Variants in TENM3 observed in about 807,000 individuals in gnomAD.
The protein encoded by TENM3 is teneurin transmembrane protein 3.
TENM3 carries 63 observed loss-of-function variants against 255.1 expected under a neutral mutation model. The observed-to-expected ratio is 0.25, with a 90% CI of 0.20 to 0.30. The LOEUF (loss-of-function observed/expected upper bound fraction) is 0.30, where lower values mean the gene tolerates loss of function less well. Ranked by LOEUF, TENM3 falls within the 10% of genes least tolerant of loss-of-function variation. The pLI is 1.00. For missense variants in TENM3, 2,929 were observed against 3,461.1 expected (o/e 0.85, Z 3.86); for synonymous variants, 1,306 against 1,322.3 (o/e 0.99, Z 0.27).
At chr4:182,068,815 A>C in the TENM3 span, among the ~76,000 whole-genome samples, 3 of 152,142 alleles carry the variant, frequency 2.0e-5, no homozygotes, top group African/African-American at 4.8e-5. Flanking sequence ...GAATTTTGGT[A>C]GTGAAAAATG....
chr4:181,502,364 A>G, the TENM3 span, among the ~76,000 whole-genome samples: 1 of 152,038 alleles, frequency 6.6e-6, no homozygotes, highest in East Asian at 1.9e-4. Context: ...GGTGGTGGAG[A>G]GGGGTGCATG....
At chr4:182,060,198 C>T in the TENM3 span, among the ~76,000 whole-genome samples, 1 of 152,146 alleles carries the variant, frequency 6.6e-6, no homozygotes, top group East Asian at 1.9e-4. Context: ...GACTGCACCA[C>T]TGCCCTCCAG....
the TENM3 span, among the ~76,000 whole-genome samples, chr4:181,502,980 C>T: frequency 2.6e-5 from 4 of 152,144 alleles, no homozygotes; most frequent in African/African-American, 4.8e-5. Context: ...CACTCGCTGG[C>T]CGTGACCATT....
the TENM3 span, among the ~76,000 whole-genome samples, chr4:181,623,061 G>T: frequency 6.6e-6 from 1 of 152,040 alleles, no homozygotes; most frequent in African/African-American, 2.4e-5. Flanking sequence ...AAATCTATGG[G>T]ACATAAATTG....
the TENM3 span, among the ~76,000 whole-genome samples, chr4:181,499,148 T>C: frequency 6.6e-6 from 1 of 152,190 alleles, no homozygotes; most frequent in Admixed American, 6.5e-5. Context: ...GATGACCACT[T>C]CTAACTCCAT....
At chr4:182,723,821 C>G (rs2309702) in intron 13 of TENM3, among the ~76,000 whole-genome samples, 133,956 of 151,880 alleles carry the variant, frequency 0.88, 59,282 homozygotes, top group African/African-American at 0.93. Context: ...CACATTCATG[C>G]CCATTCATTG....
the TENM3 span, chr4:181,834,772 G>C: frequency 6.6e-6 from 1 of 152,242 alleles, no homozygotes; most frequent in Non-Finnish European, 1.5e-5. Flanking sequence ...ACCTGTTGGG[G>C]ACAGATTTGG....
At chr4:182,611,143 A>G (rs1264351820) in intron 4 of TENM3, among the ~76,000 whole-genome samples, 4 of 152,162 alleles carry the variant, frequency 2.6e-5, no homozygotes, top group Non-Finnish European at 5.9e-5. Flanking sequence ...GTCTCCAAAT[A>G]TAAGTTCATT....
chr4:182,161,839 GTATATATACACAAA>G (rs1561153845), intron 1 of TENM3, among the ~76,000 whole-genome samples: 2,951 of 17,206 alleles, frequency 0.17, 585 homozygotes, highest in East Asian at 0.57. Flanking sequence ...ATATATATGT[GTATATATACACAAA>G]TATATATGTG....
At chr4:182,133,933 A>G in the TENM3 span, among the ~76,000 whole-genome samples, 1 of 152,208 alleles carries the variant, frequency 6.6e-6, no homozygotes, top group Non-Finnish European at 1.5e-5. Context: ...CTTGTTTAAC[A>G]TGCTAATTTA....
chr4:182,325,624 T>C (rs1382459554), intron 2 of TENM3, among the ~76,000 whole-genome samples: 2 of 152,226 alleles, frequency 1.3e-5, no homozygotes, highest in Admixed American at 6.5e-5. Flanking sequence ...ATTATCAGTG[T>C]ACATTTTTTC....
chr4:181,542,710 A>G, the TENM3 span, among the ~76,000 whole-genome samples: 6,719 of 152,332 alleles, frequency 0.044, 228 homozygotes, highest in South Asian at 0.15. Context: ...ACTTAGTCCA[A>G]TAACAGCAGA....
intron 1 of TENM3, among the ~76,000 whole-genome samples, chr4:182,309,687 A>C (rs932186497): frequency 1.3e-5 from 2 of 152,212 alleles, no homozygotes; most frequent in African/African-American, 4.8e-5. Flanking sequence ...CTCAAATTCT[A>C]TTCACACATT....
At chr4:181,539,080 A>T in the TENM3 span, among the ~76,000 whole-genome samples, 1 of 152,194 alleles carries the variant, frequency 6.6e-6, no homozygotes, top group East Asian at 1.9e-4. Context: ...TTTCACACTC[A>T]TCCAGTAATC....
At chr4:182,716,940 T>A (rs895403637) in intron 13 of TENM3, among the ~76,000 whole-genome samples, 13 of 152,168 alleles carry the variant, frequency 8.5e-5, no homozygotes, top group Non-Finnish European at 1.6e-4. Context: ...AAGAGCCCAA[T>A]GTGGCCCTAG....
chr4:181,472,067 C>T, the TENM3 span, among the ~76,000 whole-genome samples: 1 of 151,978 alleles, frequency 6.6e-6, no homozygotes, highest in Non-Finnish European at 1.5e-5. Context: ...GAGAGAAGGT[C>T]AAAGAGTGAC....
chr4:182,122,013 C>G, the TENM3 span, among the ~76,000 whole-genome samples: 1 of 152,202 alleles, frequency 6.6e-6, no homozygotes, highest in Admixed American at 6.5e-5. Flanking sequence ...TGACAATGTT[C>G]ACAACATCTT....
chr4:181,956,794 A>G, the TENM3 span, among the ~76,000 whole-genome samples: 1 of 152,242 alleles, frequency 6.6e-6, no homozygotes, highest in Non-Finnish European at 1.5e-5. Flanking sequence ...CACTTGCTTT[A>G]TTAATAGTAC....
the TENM3 span, among the ~76,000 whole-genome samples, chr4:181,964,607 C>G: frequency 6.6e-6 from 1 of 151,900 alleles, no homozygotes; most frequent in Non-Finnish European, 1.5e-5. Flanking sequence ...AAAAAAATAG[C>G]CATTCTGATC....
Sources: gnomAD v4.1 joint callset for allele counts (sites outside exome capture counted in the v4.1 genomes callset) on GRCh38, gnomAD v4.1.1 for gene constraint, MANE v1.5 for transcripts, NCBI Gene and HGNC (gene_info 2026-07-23, HGNC 2026-07-21) for gene names.